The following ABCC9 variants were observed in gnomAD, a reference collection of about 807,000 sequenced individuals.
ABCC9 encodes ATP binding cassette subfamily C member 9.
Under a neutral mutation model 188.3 loss-of-function variants are expected in ABCC9, and 95 were observed. The ratio of observed to expected loss-of-function variants is 0.50; its 90% CI spans 0.43 to 0.60. The LOEUF (loss-of-function observed/expected upper bound fraction) is 0.60, where lower values mean the gene tolerates loss of function less well. Ranked by LOEUF, ABCC9 falls within the 20% of genes least tolerant of loss-of-function variation. ABCC9 has a pLI of 0.00. For missense variants in ABCC9, 1,102 were observed against 1,876.3 expected (o/e 0.59, Z 7.62); for synonymous variants, 659 against 652.7 (o/e 1.01, Z -0.15).
chr12:21,822,905 C>G (rs1313564237), intron 31 of ABCC9, among the ~76,000 whole-genome samples: 1 of 151,952 alleles, frequency 6.6e-6, no homozygotes, highest in African/African-American at 2.4e-5. Flanking sequence ...CTTTCCATTC[C>G]TTTGCAAATA....
intron 39 of ABCC9, among the ~76,000 whole-genome samples, chr12:21,804,929 C>T (rs1379808923): frequency 6.6e-6 from 1 of 152,154 alleles, no homozygotes; most frequent in Non-Finnish European, 1.5e-5. Context: ...GAGGTAAATT[C>T]AGTTAATAGG....
chr12:21,895,240 G>T (rs756507330), intron 13 of ABCC9, 35 bp downstream of exon 13: 3 of 1,578,676 alleles, frequency 1.9e-6, no homozygotes, highest in Admixed American at 1.7e-5. Flanking sequence ...ACACTGACTT[G>T]GTTTCATTTC....
At chr12:21,901,869 C>G (rs1592188958) in intron 12 of ABCC9, among the ~76,000 whole-genome samples, 1 of 152,032 alleles carries the variant, frequency 6.6e-6, no homozygotes, top group East Asian at 1.9e-4. Context: ...ACTTTAACAC[C>G]CCACTGTCAA....
intron 22 of ABCC9, among the ~76,000 whole-genome samples, chr12:21,857,649 C>T (rs1945293104): frequency 6.6e-6 from 1 of 152,120 alleles, no homozygotes; most frequent in Admixed American, 6.6e-5. Flanking sequence ...AAGCAGAAAA[C>T]TTTCCCGGCT....
In ABCC9 at chr12:21,797,831, T is replaced by C. The variant is rs572134351; in HGVS notation, c.*3213A>G. On this transcript the variant is annotated 3_prime_UTR_variant, in exon 40 of 40. Coordinates refer to ENST00000261200, the MANE Select transcript of ABCC9 (RefSeq NM_020297.4). ...AACCCTGGTATTTTAATATAATGCT[T>C]TATGCATTTATTGCTTCTTATGAGA... 1 of 152,328 alleles carries C rather than the reference T, an allele frequency of 6.6e-6. No individual in the cohort carries two copies. Among genetic ancestry groups the C allele is most frequent in the South Asian group, 2.1e-4 (1 of 4,824 alleles). The allele number at this position is 152,328 out of a possible 1,614,324, so 9.4% of individuals were successfully genotyped here.
rs558757282 is a variant in ABCC9 at position 21,941,026 on chromosome 12, C to T, written c.-137+174G>A. ...ATCCCCACCCCTTCACTTCTCGAGC[C>T]GGGCCTCGTCCCTTAATTCTAGAAA... On this transcript the variant is annotated intron_variant, in intron 1 of 39. Coordinates refer to ENST00000261200, the MANE Select transcript of ABCC9 (RefSeq NM_020297.4). The surrounding 1 kb of genome is among the most constrained non-coding windows in gnomAD (Gnocchi z 5.4). Among the ~76,000 whole-genome samples, 1 of 152,172 alleles carries T rather than the reference C, an allele frequency of 6.6e-6. No homozygotes were observed. Among genetic ancestry groups the T allele is most frequent in the African/African-American group, 2.4e-5 (1 of 41,440 alleles).
intron 30 of ABCC9, chr12:21,831,051 G>C (rs901746682): frequency 6.7e-6 from 1 of 149,136 alleles, no homozygotes; most frequent in Non-Finnish European, 1.5e-5. Flanking sequence ...CACACGCAAG[G>C]CTCATTTTTT....
intron 15 of ABCC9, among the ~76,000 whole-genome samples, chr12:21,883,739 A>G (rs537318421): frequency 6.7e-6 from 1 of 149,194 alleles, no homozygotes; most frequent in Non-Finnish European, 1.5e-5. Flanking sequence ...TTTTTTGTCC[A>G]AAGATATTAC....
intron 30 of ABCC9, among the ~76,000 whole-genome samples, chr12:21,834,956 G>A (rs567578591): frequency 7.2e-5 from 11 of 152,102 alleles, no homozygotes; most frequent in South Asian, 4.2e-4. Flanking sequence ...TTGCCAAGAC[G>A]TAGATCCTCC....
chr12:21,881,707 AACACACACAC>A (rs3062604), intron 16 of ABCC9, among the ~76,000 whole-genome samples: 7 of 148,268 alleles, frequency 4.7e-5, no homozygotes, highest in Admixed American at 3.4e-4. Flanking sequence ...CCTAGGGAAC[AACACACACAC>A]ACACACACAC....
At chr12:21,938,800 C>T (rs1355840807) in intron 2 of ABCC9, among the ~76,000 whole-genome samples, 1 of 152,130 alleles carries the variant, frequency 6.6e-6, no homozygotes, top group African/African-American at 2.4e-5. Context: ...TTAATCAATC[C>T]TGAAATCTAC....
At chr12:21,900,272 C>A (rs993343545) in intron 12 of ABCC9, among the ~76,000 whole-genome samples, 1 of 152,154 alleles carries the variant, frequency 6.6e-6, no homozygotes, top group Non-Finnish European at 1.5e-5. Context: ...GGAAAAGTAA[C>A]AAACAGAAAG....
At chr12:21,914,212 C>T (rs772066081) in intron 7 of ABCC9, among the ~76,000 whole-genome samples, 1 of 152,150 alleles carries the variant, frequency 6.6e-6, no homozygotes, top group African/African-American at 2.4e-5. Context: ...TTTTACCATA[C>T]TCTATTTCCT....
intron 31 of ABCC9, among the ~76,000 whole-genome samples, chr12:21,822,566 A>AAGGT (rs1254404764): frequency 1.3e-5 from 2 of 152,054 alleles, no homozygotes; most frequent in African/African-American, 4.8e-5. Context: ...TTGGGAGGTC[A>AAGGT]AGGCGGTCAG....
Position 21,797,555 on chromosome 12 carries a change from T to A in ABCC9, c.*3489A>T, listed in dbSNP as rs1190884910. 1 of 152,170 alleles carries A rather than the reference T, an allele frequency of 6.6e-6. No homozygotes were observed. The highest frequency in any genetic ancestry group is 2.4e-5 in the African/African-American group (1 of 41,448). The allele number at this position is 152,170 out of a possible 1,614,324, so 9.4% of individuals were successfully genotyped here. A position where few individuals can be genotyped will look rare whatever the true frequency, so the allele number is the denominator to read the frequency against. ...AAAAGGAAAGAGAATAACCTATAGT[T>A]ATAGGCACATGGCAGTAAAACTAAT... On this transcript the variant is annotated 3_prime_UTR_variant, in exon 40 of 40. Transcript: ENST00000261200.
chr12:21,921,230 T>G (rs1565486664), intron 5 of ABCC9, among the ~76,000 whole-genome samples: 1 of 152,026 alleles, frequency 6.6e-6, no homozygotes, highest in Non-Finnish European at 1.5e-5. Context: ...CTTGCCAGCA[T>G]TACTTATTGC....
At chr12:21,886,320 T>C (rs7308718) in intron 15 of ABCC9, among the ~76,000 whole-genome samples, 48,166 of 151,818 alleles carry the variant, frequency 0.32, 7,850 homozygotes, top group Admixed American at 0.36. Flanking sequence ...CTATATCATC[T>C]ACCCAGAAGT....
chr12:21,906,478 A>G (rs1565470875), intron 11 of ABCC9, among the ~76,000 whole-genome samples, 190 bp from the exon 12 acceptor site: 1 of 152,078 alleles, frequency 6.6e-6, no homozygotes, highest in Non-Finnish European at 1.5e-5. Context: ...GTTTAATGAG[A>G]TGGCCTCAAC....
In ABCC9 at chr12:21,848,303, T is replaced by C. The variant is rs149830990; in HGVS notation, c.2770-57A>G. 4.9e-6 allele frequency: 7 copies of C among 1,436,978 alleles called. No homozygotes were observed. In the South Asian group the frequency reaches 8.0e-5, roughly 16 times the overall value. 89.0% of individuals were successfully genotyped at this position (1,436,978 alleles called of 1,614,324 possible). The stretch of plus-strand genomic sequence containing the variant: ...GCTAACACCAATAGGTTGTGACTTA[T>C]CAATGAATGACTCACACGTGTAAAT... On this transcript the variant is annotated intron_variant, in intron 24 of 39. Coordinates refer to ENST00000261200, the MANE Select transcript of ABCC9 (RefSeq NM_020297.4).
Sources: gnomAD v4.1 joint callset for allele counts (sites outside exome capture counted in the v4.1 genomes callset) on GRCh38, gnomAD v4.1.1 for gene constraint, Gnocchi (gnomAD v3.1) non-coding constraint, MANE v1.5 for transcripts, NCBI Gene and HGNC (gene_info 2026-07-23, HGNC 2026-07-21) for gene names.